Variants in ZNF276 observed in about 807,000 individuals in gnomAD.
ZNF276 encodes centromere protein Z.
ZNF276 carries 59 observed loss-of-function variants against 63.9 expected under a neutral mutation model. The observed-to-expected ratio is 0.92, with a 90% confidence interval of 0.75 to 1.15. The LOEUF (loss-of-function observed/expected upper bound fraction) is 1.15. ZNF276 is among the 50% of genes most tolerant of loss of function. The pLI is 0.00. For missense variants in ZNF276, 1,084 were observed against 843.8 expected (o/e 1.28, Z -3.53); for synonymous variants, 496 against 348.4 (o/e 1.42, Z -4.72).
rs1364726045 is a variant in ZNF276, at chr16:89,731,241, GTTC to G, written c.1169+1928_1169+1930del. 3.9e-5 allele frequency among the ~76,000 whole-genome samples: 6 copies of G among 152,354 alleles called. 1 individual carries two copies. The highest frequency in any genetic ancestry group is 1.2e-4 in the African/African-American group (5 of 41,594). On this transcript the variant is annotated intron_variant, in intron 6 of 10. Transcript: ENST00000443381. The stretch of plus-strand genomic sequence containing the variant: ...AGGCGCAGCCTGTGCGAAGTCAACA[GTTC>G]TTCTCAGTGCGTTTTTGTCTTGTTT...
In ZNF276 at chr16:89,740,886, C is replaced by G; in HGVS notation, c.*2640C>G. 1 of 1,595,566 alleles carries G rather than the reference C, an allele frequency of 6.3e-7. No homozygotes were observed. Among genetic ancestry groups the G allele is most frequent in the South Asian group, 1.1e-5 (1 of 89,476 alleles). ...CAATAGCTGTAAATAAAAACGTGCA[C>G]TTATTATTACATTAAAATTACCTGT... On this transcript the variant is annotated 3_prime_UTR_variant, in exon 11 of 11. Transcript: ENST00000443381.
At position 89,740,106 on chromosome 16, in the gene ZNF276, A is replaced by G. The variant is rs2062090818; in HGVS notation, c.*1860A>G. 1 of 1,612,754 alleles carries G rather than the reference A, an allele frequency of 6.2e-7. No homozygotes were observed. Among genetic ancestry groups the G allele is most frequent in the Non-Finnish European group, 8.5e-7 (1 of 1,179,046 alleles). ...TTGGCAGGTCTGTGGTGCTCTGTAA[A>G]CCGCAGGAGACCAACCCTGAGAATG... On this transcript the variant is annotated 3_prime_UTR_variant, in exon 11 of 11. Coordinates refer to ENST00000443381, the MANE Select transcript of ZNF276 (RefSeq NM_001113525.2).
Position 89,740,394 on chromosome 16 carries a change from C to T in ZNF276, c.*2148C>T. On this transcript the variant is annotated 3_prime_UTR_variant, in exon 11 of 11. Transcript: ENST00000443381. ...GTGGCTCATGCCTGTAATCCCAACACTTTGGGAGGCCGAGGTCGGCGGATC... is the reference window on the plus strand; with the variant it reads ...GTGGCTCATGCCTGTAATCCCAACATTTTGGGAGGCCGAGGTCGGCGGATC... The T allele has an allele frequency of 2.0e-6, 1 of 489,898 alleles. No homozygotes were observed. The highest frequency in any genetic ancestry group is 1.9e-5 in the African/African-American group (1 of 51,902). The allele number at this position is 489,898 out of a possible 1,614,324, so 30.3% of individuals were successfully genotyped here.
chr16:89,733,749 A>AC (rs993576983), intron 8 of ZNF276, among the ~76,000 whole-genome samples, 172 bp from the exon 9 acceptor site: 1 of 150,686 alleles, frequency 6.6e-6, no homozygotes, highest in African/African-American at 2.4e-5. Context: ...CACTTGAGAC[A>AC]CCCCCCGGGG....
At position 89,733,352 on chromosome 16, in the gene ZNF276, C is replaced by A; in HGVS notation, c.1220C>A (p.Pro407Gln). The change falls in exon 7 of 11, where the codon CCA (proline) becomes CAA (glutamine). Residue 407 changes from proline to glutamine, a missense_variant. Pro to Gln is a moderately conservative substitution (Grantham distance 76). Coordinates refer to ENST00000443381, the MANE Select transcript of ZNF276 (RefSeq NM_001113525.2). ...AAAGAAGCCAAGAAGTCTGAAGAAC[C>A]AAGAATTCGGAAGAAGCCGGGACCC... ...ESKEAKKSEEPRIRKKPGPKP... is the reference protein window; with the variant it reads ...ESKEAKKSEEQRIRKKPGPKP... The A allele has an allele frequency of 6.2e-7, 1 of 1,614,124 alleles. No individual in the cohort carries two copies.
Position 89,740,077 on chromosome 16 carries a change from G to A in ZNF276, c.*1831G>A, listed in dbSNP as rs1199857080. 1 of 1,614,200 alleles carries A rather than the reference G, an allele frequency of 6.2e-7. No homozygotes were observed. The highest frequency in any genetic ancestry group is 2.2e-5 in the East Asian group (1 of 44,888). ...GAGGATTGCTGCACAAACGTGGAAA[G>A]CCTTTGGCAGGTCTGTGGTGCTCTG... On this transcript the variant is annotated 3_prime_UTR_variant, in exon 11 of 11. Coordinates refer to ENST00000443381, the MANE Select transcript of ZNF276 (RefSeq NM_001113525.2).
intron 6 of ZNF276, chr16:89,732,927 C>G: frequency 2.9e-6 from 1 of 340,450 alleles, no homozygotes; most frequent in East Asian, 7.7e-5. Flanking sequence ...CACCCCGACC[C>G]TGCTGTACCC....
intron 3 of ZNF276, 25 bp downstream of exon 3, chr16:89,723,208 G>T (rs1176447139): frequency 6.2e-7 from 1 of 1,613,150 alleles, no homozygotes; most frequent in Non-Finnish European, 8.5e-7. Context: ...GGTGGAGGGT[G>T]GGCTGGGTGC....
chr16:89,726,984 G>C (rs2061489911), intron 4 of ZNF276, among the ~76,000 whole-genome samples: 1 of 152,204 alleles, frequency 6.6e-6, no homozygotes. Context: ...ACCAAGTCCA[G>C]GCTGTCCTAG....
rs369398999 is a variant in ZNF276 at position 89,739,323 on chromosome 16, G to C, written c.*1077G>C. The C allele has an allele frequency of 6.2e-7, 1 of 1,613,280 alleles. No homozygotes were observed. The highest frequency in any genetic ancestry group is 1.3e-5 in the African/African-American group (1 of 74,932). On this transcript the variant is annotated 3_prime_UTR_variant, in exon 11 of 11. Transcript: ENST00000443381. ...AAAGACATAGTGACAAATGGCTACA[G>C]ACTGCTGGAAAGGTAGCAGGTGATG... is the stretch of plus-strand genomic sequence containing the variant.
upstream of ZNF276, chr16:89,720,844 C>A: frequency 7.0e-7 from 1 of 1,425,546 alleles, no homozygotes; most frequent in Non-Finnish European, 9.2e-7. Flanking sequence ...CCGTGCCGTC[C>A]CCGGCCGCAG....
rs2061401006 is a variant in ZNF276, at chr16:89,724,254, ATGT to A, written c.1006+550_1006+552del. On this transcript the variant is annotated intron_variant, in intron 4 of 10. Coordinates refer to ENST00000443381, the MANE Select transcript of ZNF276 (RefSeq NM_001113525.2). Reference sequence around the variant, plus strand: ...TGTGGGCTGGTGCAGCTGCTCCTGGATGTTGTTTTAGGAGGGCCAGGGCCAGTT... The same window carrying A: ...TGTGGGCTGGTGCAGCTGCTCCTGGATGTTTTAGGAGGGCCAGGGCCAGTT... 3.9e-5 allele frequency among the ~76,000 whole-genome samples: 6 copies of A among 152,028 alleles called. No homozygotes were observed. The South Asian group carries it at 1.2e-3, about 31-fold the overall frequency.
At position 89,733,964 on chromosome 16, in the gene ZNF276, GC is replaced by G; in HGVS notation, c.1405del (p.His469ThrfsTer9). Reference protein sequence around the residue: ...EHHEEVRERPCPHPGCNKVFM... With the variant: ...EHHEEVRERPXPHPGCNKVFM... ...CACGAGGAGGTCCGGGAGCGGCCCT[GC>G]CCCCACCCTGGCTGCAACAAGGTTT... On this transcript the variant is annotated frameshift_variant, in exon 9 of 11. Transcript: ENST00000443381. LOFTEE classifies it high-confidence loss of function. 6.2e-7 allele frequency: 1 copy of G among 1,614,066 alleles called. No homozygotes were observed.
At chr16:89,724,317 C>T (rs2061402722) in intron 4 of ZNF276, among the ~76,000 whole-genome samples, 1 of 152,208 alleles carries the variant, frequency 6.6e-6, no homozygotes, top group Non-Finnish European at 1.5e-5. Flanking sequence ...GTGCTCTGTG[C>T]ACCTGTCCCC....
At chr16:89,734,237 A>T (rs1007201707) in intron 9 of ZNF276, among the ~76,000 whole-genome samples, 199 bp downstream of exon 9, 3 of 152,202 alleles carry the variant, frequency 2.0e-5, no homozygotes, top group Admixed American at 6.5e-5. Context: ...CCTGTGATGG[A>T]AGGAATTCCT....
chr16:89,726,104 C>T (rs1280322102), intron 4 of ZNF276, among the ~76,000 whole-genome samples: 3 of 152,234 alleles, frequency 2.0e-5, no homozygotes, highest in Non-Finnish European at 2.9e-5. Context: ...CAGCCTCTGC[C>T]TCCTGGGTTC....
At chr16:89,733,887 G>A in intron 8 of ZNF276, 34 bp from the exon 9 acceptor site, 1 of 1,604,578 alleles carries the variant, frequency 6.2e-7, no homozygotes, top group Non-Finnish European at 8.5e-7. Flanking sequence ...CCCGGGTGCG[G>A]CTCTGAGGGT....
At chr16:89,730,621 C>G (rs948901728) in intron 6 of ZNF276, among the ~76,000 whole-genome samples, 24 of 152,152 alleles carry the variant, frequency 1.6e-4, no homozygotes, top group Admixed American at 1.0e-3. Flanking sequence ...ACGGGAGATA[C>G]GTTTTCAGAG....
chr16:89,739,968 T>C lies in ZNF276; in HGVS notation c.*1722T>C. 6.2e-7 allele frequency: 1 copy of C among 1,612,692 alleles called. No homozygotes were observed. The highest frequency in any genetic ancestry group is 8.5e-7 in the Non-Finnish European group (1 of 1,178,744). ...CTCTGAAAAGAGCGGCCCTCCGCAT[T>C]TGTGCCTCAGCAGCGTGTTTCTTAC... On this transcript the variant is annotated 3_prime_UTR_variant, in exon 11 of 11. Transcript: ENST00000443381.
Sources: gnomAD v4.1 joint callset for allele counts (sites outside exome capture counted in the v4.1 genomes callset) on GRCh38, gnomAD v4.1.1 for gene constraint, MANE v1.5 for transcripts, NCBI Gene and HGNC (gene_info 2026-07-23, HGNC 2026-07-21) for gene names.